UGT1A6: variants seen among roughly 807,000 people sequenced by gnomAD.
The protein encoded by UGT1A6 is UDP glucuronosyltransferase family 1 member A6.
In UGT1A6, 32 loss-of-function variants were observed where a neutral mutation model predicts 44.4. That is an observed-to-expected ratio of 0.72 (90% CI 0.54 to 0.97). The LOEUF is 0.97. Ranked by LOEUF, UGT1A6 falls within the 50% of genes least tolerant of loss-of-function variation. The pLI, the probability that UGT1A6 is intolerant of heterozygous loss-of-function variation, is 0.00. For missense variants in UGT1A6, 685 were observed against 661.9 expected, an observed-to-expected ratio of 1.03 and a Z score of -0.38; for synonymous variants, 238 against 248.5, an observed-to-expected ratio of 0.96 and a Z score of 0.40.
intron 1 of UGT1A6, chr2:233,719,737 T>A: frequency 6.2e-7 from 1 of 1,613,180 alleles, no homozygotes; most frequent in Non-Finnish European, 8.5e-7. Context: ...AAACACTTTT[T>A]AAAAAATGTA....
intron 1 of UGT1A6, chr2:233,761,293 G>T (rs1697736724): frequency 6.6e-7 from 1 of 1,522,496 alleles, no homozygotes; most frequent in African/African-American, 1.4e-5. Context: ...TTGACTCCTA[G>T]GTTTGAGTCT....
At chr2:233,736,278 A>G (rs1329214759) in intron 1 of UGT1A6, among the ~76,000 whole-genome samples, 1 of 152,040 alleles carries the variant, frequency 6.6e-6, no homozygotes, top group African/African-American at 2.4e-5. Flanking sequence ...AGTCACTGAT[A>G]CCCTTTCTTC....
At chr2:233,745,112 G>C (rs1457181143) in intron 1 of UGT1A6, among the ~76,000 whole-genome samples, 1 of 151,730 alleles carries the variant, frequency 6.6e-6, no homozygotes, top group Non-Finnish European at 1.5e-5. Flanking sequence ...TTAATCTGCT[G>C]TTGGCTGAAT....
intron 1 of UGT1A6, among the ~76,000 whole-genome samples, chr2:233,766,453 G>C (rs1699157656): frequency 6.6e-6 from 1 of 152,214 alleles, no homozygotes; most frequent in Non-Finnish European, 1.5e-5. Context: ...TGCCTGCTAG[G>C]GTCTTGGGGT....
intron 1 of UGT1A6, chr2:233,747,345 C>A (rs905208353): frequency 6.2e-7 from 1 of 1,602,546 alleles, no homozygotes; most frequent in South Asian, 1.1e-5. Flanking sequence ...GGCTCGCATG[C>A]GGGAGGCCGT....
intron 1 of UGT1A6, chr2:233,713,051 C>T: frequency 6.2e-7 from 1 of 1,614,118 alleles, no homozygotes. Context: ...TGCTTCTCCT[C>T]AGTGTCCAGC....
intron 1 of UGT1A6, among the ~76,000 whole-genome samples, chr2:233,712,595 G>A (rs1037088444): frequency 6.6e-6 from 1 of 152,200 alleles, no homozygotes; most frequent in African/African-American, 2.4e-5. Context: ...AGACCATATG[G>A]TTGGGGACTA....
At chr2:233,719,295 G>A in intron 1 of UGT1A6, 1 of 1,613,994 alleles carries the variant, frequency 6.2e-7, no homozygotes. Context: ...CCTCTGTGGG[G>A]CGGTGCTGGC....
intron 1 of UGT1A6, among the ~76,000 whole-genome samples, chr2:233,757,104 A>T (rs1373220200): frequency 1.3e-5 from 2 of 151,154 alleles, no homozygotes; most frequent in African/African-American, 2.4e-5. Flanking sequence ...GGGAGGGGGC[A>T]AGCAGAAGGG....
At chr2:233,771,437 T>G (rs981684428) in intron 4 of UGT1A6, 1 of 152,226 alleles carries the variant, frequency 6.6e-6, no homozygotes, top group African/African-American at 2.4e-5. Context: ...CATTTTGCAC[T>G]AAGTGGCTGC....
chr2:233,695,360 G>A (rs1162074854), intron 1 of UGT1A6, among the ~76,000 whole-genome samples: 1 of 151,726 alleles, frequency 6.6e-6, no homozygotes, highest in African/African-American at 2.4e-5. Flanking sequence ...TCTTGACCTC[G>A]TGGTCCGCCC....
intron 1 of UGT1A6, among the ~76,000 whole-genome samples, chr2:233,736,967 T>A (rs2078831080): frequency 6.6e-6 from 1 of 151,890 alleles, no homozygotes; most frequent in African/African-American, 2.4e-5. Context: ...TACTGGGAGG[T>A]GTTTCCCAGT....
intron 1 of UGT1A6, chr2:233,760,221 A>G (rs920580015): frequency 2.5e-5 from 40 of 1,592,616 alleles, no homozygotes; most frequent in Non-Finnish European, 3.3e-5. Context: ...TGGTGTATCG[A>G]TTGGTTTTTG....
At chr2:233,766,965 T>C in intron 1 of UGT1A6, 69 bp from the exon 2 acceptor site, 1 of 1,608,636 alleles carries the variant, frequency 6.2e-7, no homozygotes, top group Non-Finnish European at 8.5e-7. Context: ...ATCTAATTCA[T>C]AACTTACTGT....
At chr2:233,753,409 C>A (rs1226930464) in intron 1 of UGT1A6, 1 of 152,194 alleles carries the variant, frequency 6.6e-6, no homozygotes, top group African/African-American at 2.4e-5. Flanking sequence ...CATATCCAAA[C>A]CCATTGTCAC....
At chr2:233,705,910 A>T (rs2075878510) in intron 1 of UGT1A6, among the ~76,000 whole-genome samples, 1 of 152,154 alleles carries the variant, frequency 6.6e-6, no homozygotes, top group South Asian at 2.1e-4. Flanking sequence ...CAAAATAGTG[A>T]AACTCCTTCT....
intron 1 of UGT1A6, chr2:233,719,612 C>T (rs147312289): frequency 3.1e-4 from 507 of 1,614,066 alleles, no homozygotes; most frequent in African/African-American, 5.3e-4. Flanking sequence ...TTGTGATGGA[C>T]TACCCCAGGC....
At chr2:233,756,303 C>T (rs529039026) in intron 1 of UGT1A6, 7 of 152,196 alleles carry the variant, frequency 4.6e-5, no homozygotes, top group African/African-American at 9.7e-5. Context: ...TTGTATATAA[C>T]CTACCCATAT....
chr2:233,766,956 T>C (rs1699290274), intron 1 of UGT1A6, 78 bp from the exon 2 acceptor site: 3 of 1,604,724 alleles, frequency 1.9e-6, no homozygotes, highest in Non-Finnish European at 2.5e-6. Flanking sequence ...GAGGAAGATA[T>C]CTAATTCATA....
Sources: allele counts gnomAD v4.1 joint callset (sites outside exome capture counted in the v4.1 genomes callset), GRCh38; gene constraint gnomAD v4.1.1; transcripts MANE v1.5; gene names NCBI Gene and HGNC (gene_info 2026-07-23, HGNC 2026-07-21).